PTPRO: variants seen among roughly 807,000 people sequenced by gnomAD.
The protein encoded by PTPRO is protein tyrosine phosphatase receptor type O, also known as receptor-type tyrosine-protein phosphatase O.
PTPRO carries 62 observed loss-of-function variants against 145.2 expected under a neutral mutation model. That is an observed-to-expected ratio of 0.43 (90% CI 0.35 to 0.53). The LOEUF (loss-of-function observed/expected upper bound fraction) is 0.53. Among genes scored for constraint, PTPRO ranks in the 20% least tolerant of loss-of-function variants. The pLI is 0.01. For synonymous variants in PTPRO, 565 were observed against 514.7 expected, an observed-to-expected ratio of 1.10 and a Z score of -1.32; for missense variants, 1,345 against 1,482.7, an observed-to-expected ratio of 0.91 and a Z score of 1.53.
intron 1 of PTPRO, among the ~76,000 whole-genome samples, chr12:15,343,926 C>T (rs546976669): frequency 8.0e-4 from 122 of 152,242 alleles, no homozygotes; most frequent in African/African-American, 2.8e-3. Context: ...CCTCGTGATC[C>T]GCCCGCCTCG....
intron 19 of PTPRO, 76 bp from the exon 20 acceptor site, chr12:15,578,777 A>C: frequency 1.9e-6 from 2 of 1,047,190 alleles, no homozygotes; most frequent in Non-Finnish European, 2.8e-6. Context: ...AGGGCTTGTG[A>C]GCAATAAACC....
chr12:15,325,940 T>C (rs1301847513), intron 1 of PTPRO, among the ~76,000 whole-genome samples: 9 of 152,222 alleles, frequency 5.9e-5, no homozygotes. Flanking sequence ...TTTCTGCTTT[T>C]ACCAGAGATA....
intron 1 of PTPRO, among the ~76,000 whole-genome samples, chr12:15,379,981 T>G (rs1004826532): frequency 2.6e-5 from 4 of 152,202 alleles, no homozygotes; most frequent in African/African-American, 9.6e-5. Context: ...GTTTTAATTT[T>G]TTTAAGCCAA....
At chr12:15,482,972 G>T (rs893933253) in intron 1 of PTPRO, among the ~76,000 whole-genome samples, 1 of 152,124 alleles carries the variant, frequency 6.6e-6, no homozygotes, top group Admixed American at 6.6e-5. Context: ...CGTATCTCAT[G>T]AGGTTATTTT....
At chr12:15,377,862 T>C (rs1024083548) in intron 1 of PTPRO, among the ~76,000 whole-genome samples, 4 of 152,076 alleles carry the variant, frequency 2.6e-5, no homozygotes, top group East Asian at 1.9e-4. Flanking sequence ...TTCACAAATA[T>C]GTGAAAATTA....
chr12:15,405,535 G>A (rs1330089555), intron 1 of PTPRO, among the ~76,000 whole-genome samples: 2 of 152,024 alleles, frequency 1.3e-5, no homozygotes, highest in Non-Finnish European at 2.9e-5. Context: ...ATGGGAAAAG[G>A]CATTATTTTC....
intron 12 of PTPRO, among the ~76,000 whole-genome samples, chr12:15,540,398 TA>T: frequency 6.6e-6 from 1 of 152,220 alleles, no homozygotes; most frequent in South Asian, 2.1e-4. Context: ...AGATTGAAAA[TA>T]AATGTTGTTA....
chr12:15,580,629 T>A (rs768059719), intron 21 of PTPRO, 68 bp from the exon 22 acceptor site: 7 of 1,603,048 alleles, frequency 4.4e-6, no homozygotes, highest in Middle Eastern at 1.7e-4. Flanking sequence ...TTTTTTCCCA[T>A]AGGCGTGAAG....
At chr12:15,470,567 T>C (rs368604129) in intron 1 of PTPRO, among the ~76,000 whole-genome samples, 83 of 152,332 alleles carry the variant, frequency 5.4e-4, no homozygotes, top group African/African-American at 2.0e-3. Flanking sequence ...TTTTGTTTAA[T>C]CTCCAAAATT....
rs1485219289 is a variant in PTPRO, at chr12:15,332,417, G to C, written c.75+9616G>C. Reference sequence around the variant, plus strand: ...ATAAAACACTGATGTTCAGGAAAATGCTTTTGGAGGAAAATACGTAGATAT... The same window carrying C: ...ATAAAACACTGATGTTCAGGAAAATCCTTTTGGAGGAAAATACGTAGATAT... On this transcript the variant is annotated intron_variant, in intron 1 of 26. Coordinates refer to ENST00000281171, the MANE Select transcript of PTPRO (RefSeq NM_030667.3). Among the ~76,000 whole-genome samples the C allele has an allele frequency of 3.3e-5, 5 of 152,286 alleles. No homozygotes were observed. The East Asian group carries it at 9.6e-4, about 29-fold the overall frequency.
At chr12:15,525,299 G>A (rs1457297638) in intron 11 of PTPRO, among the ~76,000 whole-genome samples, 1 of 152,176 alleles carries the variant, frequency 6.6e-6, no homozygotes, top group Non-Finnish European at 1.5e-5. Context: ...GACACCTAAA[G>A]ATTTGGGGAC....
chr12:15,450,529 G>A (rs530948211), intron 1 of PTPRO, among the ~76,000 whole-genome samples: 204 of 152,200 alleles, frequency 1.3e-3, no homozygotes, highest in Non-Finnish European at 1.6e-3. Flanking sequence ...ATCCCAGCAC[G>A]TTGGGAGGCC....
rs763524012 is a variant in PTPRO, at chr12:15,425,273, TG to T, written c.76-58700del. On this transcript the variant is annotated intron_variant, in intron 1 of 26. Transcript: ENST00000281171. ...TATTATGTACCAAGTTTTATTCTAATGTTTTTTTACAAATGTTAACACATTT... is the reference window on the plus strand; with the variant it reads ...TATTATGTACCAAGTTTTATTCTAATTTTTTTTACAAATGTTAACACATTT... 2.1e-4 allele frequency among the ~76,000 whole-genome samples: 32 copies of T among 152,320 alleles called. No homozygotes were observed. In the South Asian group the frequency reaches 2.5e-3, roughly 12 times the overall value.
intron 6 of PTPRO, among the ~76,000 whole-genome samples, 156 bp from the exon 7 acceptor site, chr12:15,508,415 T>C (rs1303835595): frequency 6.6e-6 from 1 of 152,180 alleles, no homozygotes; most frequent in African/African-American, 2.4e-5. Context: ...GGGTTGCAGC[T>C]GGGCAGAGGA....
chr12:15,446,820 C>T (rs1039971911), intron 1 of PTPRO, among the ~76,000 whole-genome samples: 11 of 151,854 alleles, frequency 7.2e-5, no homozygotes, highest in East Asian at 5.8e-4. Context: ...AAGATACCCT[C>T]AAAATTCATC....
At chr12:15,368,496 A>T (rs535929105) in intron 1 of PTPRO, among the ~76,000 whole-genome samples, 1 of 152,120 alleles carries the variant, frequency 6.6e-6, no homozygotes, top group Non-Finnish European at 1.5e-5. Flanking sequence ...CCTTTCTACA[A>T]TGTAGGCAAG....
chr12:15,326,319 T>C (rs1240576086), intron 1 of PTPRO, among the ~76,000 whole-genome samples: 1 of 152,234 alleles, frequency 6.6e-6, no homozygotes, highest in Non-Finnish European at 1.5e-5. Flanking sequence ...GCCAACCTTT[T>C]GGAGAAACCT....
At chr12:15,590,317 TG>T (rs994550749) in intron 25 of PTPRO, among the ~76,000 whole-genome samples, 1 of 152,180 alleles carries the variant, frequency 6.6e-6, no homozygotes, top group African/African-American at 2.4e-5. Flanking sequence ...TGTACCCTTG[TG>T]GGCGCAAAAA....
intron 1 of PTPRO, among the ~76,000 whole-genome samples, chr12:15,452,699 A>G (rs556520168): frequency 4.1e-4 from 63 of 152,306 alleles, no homozygotes; most frequent in African/African-American, 1.4e-3. Context: ...TAACATATAC[A>G]AGTCAATAAA....
Sources: allele counts gnomAD v4.1 joint callset (sites outside exome capture counted in the v4.1 genomes callset), GRCh38; gene constraint gnomAD v4.1.1; transcripts MANE v1.5; gene names NCBI Gene and HGNC (gene_info 2026-07-23, HGNC 2026-07-21).